The following SGK3 variants were observed in gnomAD, a reference collection of about 807,000 sequenced individuals.
SGK3 encodes serum/glucocorticoid regulated kinase family member 3.
A neutral mutation model predicts 68.5 loss-of-function variants in SGK3; 47 were observed. The ratio of observed to expected loss-of-function variants is 0.69; its 90% CI spans 0.54 to 0.87. The LOEUF (loss-of-function observed/expected upper bound fraction) is 0.87. SGK3 is among the 40% of genes least tolerant of loss of function. SGK3 has a pLI of 0.00. For synonymous variants in SGK3, 181 were observed against 189.1 expected (o/e 0.96, Z 0.35); for missense variants, 479 against 575.5 (o/e 0.83, Z 1.72).
chr8:66,734,443 A>G (rs1473287466), intron 1 of SGK3, among the ~76,000 whole-genome samples: 1 of 152,100 alleles, frequency 6.6e-6, no homozygotes, highest in Non-Finnish European at 1.5e-5. Flanking sequence ...TTCCACTTCT[A>G]TTAAAATTTT....
intron 14 of SGK3, among the ~76,000 whole-genome samples, chr8:66,846,069 T>C (rs1810000137): frequency 6.6e-6 from 1 of 152,188 alleles, no homozygotes; most frequent in South Asian, 2.1e-4. Flanking sequence ...ACCAGTCCTC[T>C]GGTGAATAAA....
Position 66,831,215 on chromosome 8 carries a change from A to G in SGK3, c.468-39A>G, listed in dbSNP as rs530024138. ...AAATGTTTAAAAGTTAATATTTCCAATTTCTAGGAGGCTAATTCTTATTGT... is the reference window on the plus strand; with the variant it reads ...AAATGTTTAAAAGTTAATATTTCCAGTTTCTAGGAGGCTAATTCTTATTGT... On this transcript the variant is annotated intron_variant, in intron 7 of 16. Transcript: ENST00000521198. 1.1e-5 allele frequency: 17 copies of G among 1,605,700 alleles called. No homozygotes were observed. In the African/African-American group the frequency reaches 2.0e-4, roughly 19 times the overall value.
chr8:66,726,594 T>C (rs934529624), intron 1 of SGK3, among the ~76,000 whole-genome samples: 3 of 152,130 alleles, frequency 2.0e-5, no homozygotes, highest in African/African-American at 4.8e-5. Context: ...AGAAAGCTGA[T>C]TAAAATGTTT....
At chr8:66,837,507 T>A (rs1809584890) in intron 10 of SGK3, among the ~76,000 whole-genome samples, 1 of 152,166 alleles carries the variant, frequency 6.6e-6, no homozygotes, top group Non-Finnish European at 1.5e-5. Context: ...AGGCCAGGTG[T>A]GGTGGCTCAA....
rs185278478 is a variant in SGK3, at chr8:66,721,368, C to G, written c.-122+8535C>G. Among the ~76,000 whole-genome samples the G allele has an allele frequency of 1.7e-3, 261 of 152,274 alleles. 2 individuals are homozygous for G. Among genetic ancestry groups the G allele is most frequent in the Non-Finnish European group, 3.2e-3 (219 of 68,024 alleles). On this transcript the variant is annotated intron_variant, in intron 1 of 16. Coordinates refer to ENST00000521198, the MANE Select transcript of SGK3 (RefSeq NM_001033578.3). ...TTTATAAACCTTGTTCTTTTTTTCT[C>G]TTCTTCCACCTCTTGCATTAAGAAA...
chr8:66,788,695 G>A (rs1192571202), intron 1 of SGK3, among the ~76,000 whole-genome samples: 2 of 152,172 alleles, frequency 1.3e-5, no homozygotes, highest in African/African-American at 4.8e-5. Context: ...TGGAAGTGGT[G>A]CAAGGTGTAG....
At chr8:66,850,041 C>T (rs1166719116) in intron 15 of SGK3, among the ~76,000 whole-genome samples, 1 of 152,174 alleles carries the variant, frequency 6.6e-6, no homozygotes, top group Non-Finnish European at 1.5e-5. Flanking sequence ...TATGATACAG[C>T]CAGTTTAGCT....
intron 1 of SGK3, among the ~76,000 whole-genome samples, chr8:66,762,577 T>G (rs1806206261): frequency 1.3e-5 from 2 of 152,160 alleles, no homozygotes; most frequent in Non-Finnish European, 2.9e-5. Context: ...CCACTGATTT[T>G]TTTCTTTTTA....
chr8:66,784,120 C>T (rs985745051), intron 1 of SGK3, among the ~76,000 whole-genome samples: 22 of 151,696 alleles, frequency 1.5e-4, no homozygotes, highest in African/African-American at 4.4e-4. Context: ...AGGCTGATAC[C>T]GAACTCCTGG....
chr8:66,832,858 A>G (rs1416063897), intron 8 of SGK3, among the ~76,000 whole-genome samples: 1 of 151,752 alleles, frequency 6.6e-6, no homozygotes, highest in African/African-American at 2.4e-5. Context: ...TTCCATGTGG[A>G]TAACCAGCTG....
intron 1 of SGK3, among the ~76,000 whole-genome samples, chr8:66,716,611 T>C (rs1586663337): frequency 6.6e-6 from 1 of 151,860 alleles, no homozygotes; most frequent in East Asian, 1.9e-4. Flanking sequence ...AGGGGAATTG[T>C]TAGAGGATGA....
intron 4 of SGK3, among the ~76,000 whole-genome samples, chr8:66,804,948 G>A (rs1808089556): frequency 1.3e-5 from 2 of 152,106 alleles, no homozygotes; most frequent in East Asian, 1.9e-4. Context: ...GCATGGTGGC[G>A]TGCACCTGTA....
chr8:66,791,219 C>T (rs1019814394), intron 1 of SGK3, among the ~76,000 whole-genome samples: 9 of 152,158 alleles, frequency 5.9e-5, no homozygotes, highest in African/African-American at 1.4e-4. Flanking sequence ...AATACCTTAG[C>T]GCCTTGCTCC....
chr8:66,787,293 CATTGA>C (rs376741085), intron 1 of SGK3, among the ~76,000 whole-genome samples: 49 of 152,154 alleles, frequency 3.2e-4, no homozygotes, highest in African/African-American at 1.2e-3. Flanking sequence ...AATAAGTGTT[CATTGA>C]ATTAAGGAAT....
At chr8:66,786,892 A>G (rs1216676379) in intron 1 of SGK3, among the ~76,000 whole-genome samples, 5 of 125,368 alleles carry the variant, frequency 4.0e-5, no homozygotes, top group Non-Finnish European at 8.3e-5. Context: ...CTTCCCTGTT[A>G]GGTAAGTTCT....
chr8:66,714,021 CTGCCGT>C (rs1804567860), intron 1 of SGK3, among the ~76,000 whole-genome samples: 1 of 152,214 alleles, frequency 6.6e-6, no homozygotes, highest in Admixed American at 6.5e-5. Flanking sequence ...TCTCTTTCAA[CTGCCGT>C]TGTGCCCATC....
intron 6 of SGK3, among the ~76,000 whole-genome samples, chr8:66,824,149 T>G (rs765739559): frequency 1.3e-5 from 2 of 152,150 alleles, no homozygotes; most frequent in Non-Finnish European, 2.9e-5. Context: ...GAACAAATGT[T>G]ACTTTTACAT....
intron 1 of SGK3, among the ~76,000 whole-genome samples, chr8:66,786,401 A>G (rs11997510): frequency 0.03 from 4,543 of 152,220 alleles, 218 homozygotes; most frequent in African/African-American, 0.1. Context: ...AGTTAGGGCT[A>G]TTGTGAGGAG....
chr8:66,777,901 A>G (rs1181889703), intron 1 of SGK3: 3 of 152,242 alleles, frequency 2.0e-5, no homozygotes, highest in African/African-American at 4.8e-5. Context: ...TTGCTTCATG[A>G]CAGTTTCTCT....
Sources: allele counts gnomAD v4.1 joint callset (sites outside exome capture counted in the v4.1 genomes callset), GRCh38; gene constraint gnomAD v4.1.1; transcripts MANE v1.5; gene names NCBI Gene and HGNC (gene_info 2026-07-23, HGNC 2026-07-21).